The following NSRP1 variants were observed in gnomAD, a reference collection of about 807,000 sequenced individuals.
The protein encoded by NSRP1 is coiled-coil domain containing 55.
NSRP1 carries 24 observed loss-of-function variants against 54.7 expected under a neutral mutation model. The ratio of observed to expected loss-of-function variants is 0.44; its 90% CI spans 0.32 to 0.62. The LOEUF (loss-of-function observed/expected upper bound fraction) is 0.62, where lower values mean the gene tolerates loss of function less well. Ranked by LOEUF, NSRP1 falls within the 20% of genes least tolerant of loss-of-function variation. The pLI is 0.06. For missense variants in NSRP1, 596 were observed against 651.2 expected (o/e 0.92, Z 0.92); for synonymous variants, 210 against 213.8 (o/e 0.98, Z 0.15).
At chr17:30,174,219 T>G (rs985847947) in intron 3 of NSRP1, among the ~76,000 whole-genome samples, 2 of 152,196 alleles carry the variant, frequency 1.3e-5, no homozygotes, top group Admixed American at 6.5e-5. Flanking sequence ...TCTGTCTTGT[T>G]CAAGCCACTT....
chr17:30,167,451 A>G (rs1597615958), intron 2 of NSRP1, among the ~76,000 whole-genome samples: 1 of 152,074 alleles, frequency 6.6e-6, no homozygotes, highest in African/African-American at 2.4e-5. Context: ...TCTACTAAAA[A>G]TACAAAAATT....
intron 2 of NSRP1, among the ~76,000 whole-genome samples, chr17:30,167,302 G>T (rs1340734282): frequency 6.6e-6 from 1 of 152,066 alleles, no homozygotes; most frequent in Non-Finnish European, 1.5e-5. Context: ...AACGTAAAAA[G>T]ACTTGACCTT....
chr17:30,116,893 G>A (rs752817493), intron 1 of NSRP1, 30 bp downstream of exon 1: 1 of 1,564,976 alleles, frequency 6.4e-7, no homozygotes, highest in East Asian at 2.4e-5. Flanking sequence ...GGGTCAGGCT[G>A]GGGGATGAGA....
chr17:30,163,610 A>G (rs1454532909), intron 2 of NSRP1, among the ~76,000 whole-genome samples: 1 of 152,080 alleles, frequency 6.6e-6, no homozygotes, highest in Non-Finnish European at 1.5e-5. Flanking sequence ...TGAAGGGAGA[A>G]AAAAACTAAG....
At chr17:30,140,544 T>C (rs2071795017) in intron 2 of NSRP1, among the ~76,000 whole-genome samples, 1 of 136,744 alleles carries the variant, frequency 7.3e-6, no homozygotes, top group African/African-American at 3.2e-5. Flanking sequence ...TTTTTTTTTT[T>C]TTGAGATGGA....
intron 2 of NSRP1, among the ~76,000 whole-genome samples, chr17:30,167,401 G>T (rs1002948348): frequency 6.6e-6 from 1 of 152,138 alleles, no homozygotes; most frequent in African/African-American, 2.4e-5. Context: ...ATGAGGTCAG[G>T]AGTTCGAGAC....
At chr17:30,148,431 A>G (rs1182236776) in intron 2 of NSRP1, among the ~76,000 whole-genome samples, 1 of 152,216 alleles carries the variant, frequency 6.6e-6, no homozygotes, top group Non-Finnish European at 1.5e-5. Context: ...TGACATATTG[A>G]GACTAATGCC....
chr17:30,131,747 A>G (rs1399361516), intron 2 of NSRP1, among the ~76,000 whole-genome samples: 1 of 152,054 alleles, frequency 6.6e-6, no homozygotes, highest in Non-Finnish European at 1.5e-5. Flanking sequence ...AGTTTGCTGC[A>G]TTGATCGACT....
chr17:30,130,823 A>C (rs2071692819), intron 2 of NSRP1, among the ~76,000 whole-genome samples: 1 of 152,134 alleles, frequency 6.6e-6, no homozygotes, highest in African/African-American at 2.4e-5. Flanking sequence ...ATTTCATTGA[A>C]ATTTACTGTC....
rs144042979 is a variant in NSRP1, at chr17:30,177,410, A to G, written c.172-661A>G. 3.3e-4 allele frequency among the ~76,000 whole-genome samples: 50 copies of G among 152,232 alleles called. 2 individuals are homozygous for G. The East Asian group carries it at 9.6e-3, about 29-fold the overall frequency. ...AAAAATCTAGTGTAAATATTGCAGAATAGAATGTTCCTCAGAGTTTAGAAG... is the reference window on the plus strand; with the variant it reads ...AAAAATCTAGTGTAAATATTGCAGAGTAGAATGTTCCTCAGAGTTTAGAAG... On this transcript the variant is annotated intron_variant, in intron 3 of 6. Coordinates refer to ENST00000247026, the MANE Select transcript of NSRP1 (RefSeq NM_032141.4).
At chr17:30,150,824 A>G (rs2071902169) in intron 2 of NSRP1, among the ~76,000 whole-genome samples, 1 of 147,150 alleles carries the variant, frequency 6.8e-6, no homozygotes, top group African/African-American at 2.5e-5. Context: ...AGTAGCTGGG[A>G]TTATAGGTGC....
At chr17:30,162,502 T>C (rs918477156) in intron 2 of NSRP1, among the ~76,000 whole-genome samples, 1 of 152,226 alleles carries the variant, frequency 6.6e-6, no homozygotes, top group Non-Finnish European at 1.5e-5. Flanking sequence ...ATAAATGATC[T>C]GTTGCTAAGT....
intron 2 of NSRP1, among the ~76,000 whole-genome samples, chr17:30,128,398 C>G (rs995143555): frequency 1.3e-5 from 2 of 151,916 alleles, no homozygotes; most frequent in African/African-American, 2.4e-5. Context: ...CAATAGTGAG[C>G]TACCATTTTT....
chr17:30,140,749 C>G (rs979477555), intron 2 of NSRP1, among the ~76,000 whole-genome samples: 1 of 151,794 alleles, frequency 6.6e-6, no homozygotes, highest in African/African-American at 2.4e-5. Flanking sequence ...AGGCTGGTCT[C>G]GAACTCCTGA....
chr17:30,161,004 G>T (rs1006127509), intron 2 of NSRP1, among the ~76,000 whole-genome samples: 1 of 152,108 alleles, frequency 6.6e-6, no homozygotes, highest in Non-Finnish European at 1.5e-5. Context: ...GACCATAAAC[G>T]GGTGAATGGA....
chr17:30,169,368 TA>T (rs1279174992), intron 2 of NSRP1, among the ~76,000 whole-genome samples: 2 of 151,874 alleles, frequency 1.3e-5, no homozygotes, highest in Admixed American at 1.3e-4. Flanking sequence ...TAGGAAAAAA[TA>T]AAAGCAAGTA....
chr17:30,137,459 C>T (rs1219388308), intron 2 of NSRP1, among the ~76,000 whole-genome samples: 4 of 152,288 alleles, frequency 2.6e-5, no homozygotes, highest in African/African-American at 4.8e-5. Flanking sequence ...GCTTTTCTCC[C>T]CTCTGCCATA....
intron 2 of NSRP1, among the ~76,000 whole-genome samples, chr17:30,165,687 C>G (rs1461115635): frequency 6.6e-6 from 1 of 152,192 alleles, no homozygotes; most frequent in Non-Finnish European, 1.5e-5. Flanking sequence ...ACTAAAGCCA[C>G]TATCAGTTCT....
At chr17:30,127,313 G>A (rs1047717414) in intron 2 of NSRP1, among the ~76,000 whole-genome samples, 5 of 152,012 alleles carry the variant, frequency 3.3e-5, no homozygotes, top group Non-Finnish European at 7.4e-5. Flanking sequence ...TTTTAATGTC[G>A]GCAATTGAAA....
Sources: gnomAD v4.1 joint callset for allele counts (sites outside exome capture counted in the v4.1 genomes callset) on GRCh38, gnomAD v4.1.1 for gene constraint, MANE v1.5 for transcripts, NCBI Gene and HGNC (gene_info 2026-07-23, HGNC 2026-07-21) for gene names.